Variants in KLF7 observed in about 807,000 individuals in gnomAD.
KLF7 encodes KLF transcription factor 7, also known as Krueppel-like factor 7.
In KLF7, 2 loss-of-function variants were observed where a neutral mutation model predicts 27.3. That is an observed-to-expected ratio of 0.07 (90% CI 0.03 to 0.23). The LOEUF (loss-of-function observed/expected upper bound fraction) is 0.23, where lower values mean the gene tolerates loss of function less well. Among genes scored for constraint, KLF7 ranks in the 10% least tolerant of loss-of-function variants. The pLI is 1.00. For synonymous variants in KLF7, 165 were observed against 162.4 expected (o/e 1.02, Z -0.12); for missense variants, 221 against 394.1 (o/e 0.56, Z 3.72).
intron 2 of KLF7, among the ~76,000 whole-genome samples, chr2:207,089,527 C>A (rs2076463354): frequency 6.6e-6 from 1 of 151,940 alleles, no homozygotes. Flanking sequence ...TGGACTGGTT[C>A]TAATTAAAAA....
rs764148685 is a variant in KLF7 at position 207,093,751 on chromosome 2, A to C, written c.734-5170T>G. ...AATTTAACAAAGCATCCTGATTTGC[A>C]ACAAAAACCTGAATACACCTAGAGG... On this transcript the variant is annotated intron_variant, in intron 2 of 3. Transcript: ENST00000309446. 7.8e-4 allele frequency among the ~76,000 whole-genome samples: 119 copies of C among 152,230 alleles called. 5 individuals are homozygous for C. Among genetic ancestry groups the C allele is most frequent in the Non-Finnish European group, 2.5e-4 (17 of 68,034 alleles).
chr2:207,117,482 C>T (rs2077218801), intron 2 of KLF7, among the ~76,000 whole-genome samples: 1 of 152,214 alleles, frequency 6.6e-6, no homozygotes, highest in African/African-American at 2.4e-5. Context: ...TTGTTTCCAT[C>T]CCATAATCGG....
At chr2:207,156,526 A>G (rs1173788235) in intron 1 of KLF7, among the ~76,000 whole-genome samples, 2 of 152,226 alleles carry the variant, frequency 1.3e-5, no homozygotes, top group Admixed American at 1.3e-4. Context: ...GGCTGAGGTG[A>G]GTGGAAAATC....
chr2:207,136,411 TCC>T (rs1445081902), intron 1 of KLF7, among the ~76,000 whole-genome samples: 3 of 152,034 alleles, frequency 2.0e-5, no homozygotes, highest in Non-Finnish European at 4.4e-5. Context: ...TCCGTCCGCA[TCC>T]CAGAACGCAG....
Position 207,076,747 on chromosome 2 carries a change from A to AT in KLF7, c.*4465dup. ...TAGGCCCTCTAGTTTTCAAACTGAG[A>AT]TATCACCATGTTCACCGAAATTTAA... On this transcript the variant is annotated 3_prime_UTR_variant, in exon 4 of 4. Coordinates refer to ENST00000309446, the MANE Select transcript of KLF7 (RefSeq NM_003709.4). The AT allele has an allele frequency of 6.6e-6, 1 of 152,308 alleles. No individual in the cohort carries two copies. Among genetic ancestry groups the AT allele is most frequent in the East Asian group, 1.9e-4 (1 of 5,180 alleles). The allele number at this position is 152,308 out of a possible 1,614,324, so 9.4% of individuals were successfully genotyped here.
intron 2 of KLF7, among the ~76,000 whole-genome samples, chr2:207,090,314 T>C (rs377463833): frequency 3.0e-4 from 46 of 152,336 alleles, no homozygotes; most frequent in Middle Eastern, 3.4e-3. Flanking sequence ...TTAGAAAAGA[T>C]GTGCTGGCTG....
rs1333689506 is a variant in KLF7, at chr2:207,075,083, A to G, written c.*6130T>C. 3 of 152,224 alleles carry G rather than the reference A, an allele frequency of 2.0e-5. No homozygotes were observed. The highest frequency in any genetic ancestry group is 4.4e-5 in the Non-Finnish European group (3 of 68,040). The allele number at this position is 152,224 out of a possible 1,614,324, so 9.4% of individuals were successfully genotyped here. A position where few individuals can be genotyped will look rare whatever the true frequency, so the allele number is the denominator to read the frequency against. On this transcript the variant is annotated 3_prime_UTR_variant, in exon 4 of 4. Coordinates refer to ENST00000309446, the MANE Select transcript of KLF7 (RefSeq NM_003709.4). ...AAACAAGCTAAGGAGAAATACAGTA[A>G]AGTATTCCAAGGCCAAACACATTCT... is the stretch of plus-strand genomic sequence containing the variant.
intron 1 of KLF7, among the ~76,000 whole-genome samples, chr2:207,130,710 T>G (rs1204340766): frequency 6.6e-6 from 1 of 152,222 alleles, no homozygotes; most frequent in Non-Finnish European, 1.5e-5. Flanking sequence ...CATAAAAGGT[T>G]CAGTTTTTAT....
intron 1 of KLF7, among the ~76,000 whole-genome samples, chr2:207,143,793 T>C (rs138304945): frequency 1.2e-4 from 19 of 152,254 alleles, no homozygotes; most frequent in African/African-American, 4.6e-4. Context: ...ACATTTGACC[T>C]TTGGAAATCC....
At chr2:207,125,245 A>G (rs532636822) in intron 1 of KLF7, among the ~76,000 whole-genome samples, 11 of 152,364 alleles carry the variant, frequency 7.2e-5, no homozygotes, top group African/African-American at 2.2e-4. Context: ...AAAAAAGTTT[A>G]GTTTCAACAA....
intron 1 of KLF7, among the ~76,000 whole-genome samples, chr2:207,127,753 G>T (rs1301033615): frequency 6.6e-6 from 1 of 152,026 alleles, no homozygotes; most frequent in East Asian, 1.9e-4. Flanking sequence ...TGAGGCAGAA[G>T]AATCACTTGA....
intron 3 of KLF7, among the ~76,000 whole-genome samples, chr2:207,085,996 A>AG: frequency 6.6e-6 from 1 of 151,940 alleles, no homozygotes; most frequent in South Asian, 2.1e-4. Flanking sequence ...CAAAAAAAAA[A>AG]AAAAAACCAA....
At chr2:207,126,965 CT>C (rs2077495438) in intron 1 of KLF7, among the ~76,000 whole-genome samples, 1 of 152,126 alleles carries the variant, frequency 6.6e-6, no homozygotes, top group Non-Finnish European at 1.5e-5. Context: ...AGCCCAAAGA[CT>C]GAAAAGTCAC....
chr2:207,147,023 T>C (rs2078115508), intron 1 of KLF7, among the ~76,000 whole-genome samples: 1 of 152,186 alleles, frequency 6.6e-6, no homozygotes, highest in African/African-American at 2.4e-5. Context: ...ACTTGCCAAT[T>C]GGGTATAAAT....
At position 207,078,826 on chromosome 2, in the gene KLF7, A is replaced by C. The variant is rs866837880; in HGVS notation, c.*2387T>G. 1 of 152,330 alleles carries C rather than the reference A, an allele frequency of 6.6e-6. No individual in the cohort carries two copies. Among genetic ancestry groups the C allele is most frequent in the Middle Eastern group, 3.4e-3 (1 of 294 alleles). The allele number at this position is 152,330 out of a possible 1,614,324, so 9.4% of individuals were successfully genotyped here. The stretch of plus-strand genomic sequence containing the variant: ...AAATATAATCCCATGGTACGCCCTG[A>C]TGGACTGGCCACAAAATGCACTCAA... On this transcript the variant is annotated 3_prime_UTR_variant, in exon 4 of 4. Coordinates refer to ENST00000309446, the MANE Select transcript of KLF7 (RefSeq NM_003709.4).
At chr2:207,121,947 T>C (rs777097547) in intron 2 of KLF7, 7 of 152,154 alleles carry the variant, frequency 4.6e-5, no homozygotes, top group Non-Finnish European at 7.4e-5. Context: ...AAAGTGTCCA[T>C]AATCATGAAC....
At position 207,081,059 on chromosome 2, in the gene KLF7, A is replaced by G. The variant is rs867230168; in HGVS notation, c.*154T>C. ...TGTGTGTGGGTCTGTGAGTGTGTGT[A>G]TATGTGTGTGTGTGTGTGTGTGTGT... On this transcript the variant is annotated 3_prime_UTR_variant, in exon 4 of 4. Coordinates refer to ENST00000309446, the MANE Select transcript of KLF7 (RefSeq NM_003709.4). The G allele has an allele frequency of 4.0e-5, 18 of 454,976 alleles. No homozygotes were observed. The highest frequency in any genetic ancestry group is 7.0e-5 in the East Asian group (2 of 28,632). 28.2% of individuals were successfully genotyped at this position (454,976 alleles called of 1,614,324 possible).
chr2:207,093,837 G>C (rs2076566589), intron 2 of KLF7, among the ~76,000 whole-genome samples: 1 of 152,172 alleles, frequency 6.6e-6, no homozygotes, highest in Non-Finnish European at 1.5e-5. Context: ...TGGTTTACGA[G>C]GGGAAATGTT....
intron 2 of KLF7, among the ~76,000 whole-genome samples, chr2:207,097,379 T>G (rs559158471): frequency 6.6e-6 from 1 of 152,312 alleles, no homozygotes; most frequent in East Asian, 1.9e-4. Context: ...TAACGGTGTT[T>G]GTTATTAAAG....
Sources: gnomAD v4.1 joint callset for allele counts (sites outside exome capture counted in the v4.1 genomes callset) on GRCh38, gnomAD v4.1.1 for gene constraint, MANE v1.5 for transcripts, NCBI Gene and HGNC (gene_info 2026-07-23, HGNC 2026-07-21) for gene names.